Variants in RBFOX3 observed in about 807,000 individuals in gnomAD.
RBFOX3 encodes the protein RNA binding protein fox-1 homolog 3.
Under a neutral mutation model 48.7 loss-of-function variants are expected in RBFOX3, and 17 were observed. The ratio of observed to expected loss-of-function variants is 0.35; its 90% confidence interval spans 0.24 to 0.52. The LOEUF is 0.52. Among genes scored for constraint, RBFOX3 ranks in the 20% least tolerant of loss-of-function variants. The pLI, the probability that RBFOX3 is intolerant of heterozygous loss-of-function variation, is 0.94. For synonymous variants in RBFOX3, 212 were observed against 209.5 expected (o/e 1.01, Z -0.10); for missense variants, 382 against 497.5 (o/e 0.77, Z 2.21).
At chr17:79,603,319 G>A (rs2093751614) in intron 1 of RBFOX3, among the ~76,000 whole-genome samples, 1 of 152,172 alleles carries the variant, frequency 6.6e-6, no homozygotes, top group African/African-American at 2.4e-5. Flanking sequence ...ACACCCCGCT[G>A]GCAGTGGAGG....
rs1461623462 is a variant in RBFOX3, at chr17:79,482,959, C to T, written c.-319-361G>A. Among the ~76,000 whole-genome samples, 2 of 151,802 alleles carry T rather than the reference C, an allele frequency of 1.3e-5. No individual in the cohort carries two copies. The highest frequency in any genetic ancestry group is 2.1e-4 in the South Asian group (1 of 4,762). The stretch of plus-strand genomic sequence containing the variant: ...CCCTCCCCATCGCCTTTCCCACTAC[C>T]GCCCGCTCTTGCTTCCTCCCCCACC... On this transcript the variant is annotated intron_variant, in intron 1 of 14. Coordinates refer to ENST00000693108, the MANE Select transcript of RBFOX3 (RefSeq NM_001350451.2). This position sits in a 1 kb window ranked among gnomAD's most constrained non-coding sequence, Gnocchi z 4.1.
At chr17:79,277,591 C>A (rs898168475) in intron 3 of RBFOX3, among the ~76,000 whole-genome samples, 1 of 152,238 alleles carries the variant, frequency 6.6e-6, no homozygotes, top group Non-Finnish European at 1.5e-5. Flanking sequence ...CTGGCCACTG[C>A]GGGCCTCTGC....
In RBFOX3 at chr17:79,542,857, C is replaced by A. The variant is rs892315320; in HGVS notation, c.-319-60259G>T. Among the ~76,000 whole-genome samples, 3 of 152,120 alleles carry A rather than the reference C, an allele frequency of 2.0e-5. No homozygotes were observed. The South Asian group carries it at 6.2e-4, about 32-fold the overall frequency. On this transcript the variant is annotated intron_variant, in intron 1 of 14. Coordinates refer to ENST00000693108, the MANE Select transcript of RBFOX3 (RefSeq NM_001350451.2). ...CATATTTTATTTAACCTAATATATT[C>A]TAAATATTTTTGGGTCAATATGTAA...
chr17:79,255,901 G>T (rs2064754301), intron 3 of RBFOX3, among the ~76,000 whole-genome samples: 1 of 151,094 alleles, frequency 6.6e-6, no homozygotes, highest in African/African-American at 2.4e-5. Flanking sequence ...TCTTCTGCTT[G>T]GGGCTGGGGA....
chr17:79,182,749 C>T (rs538783803), intron 4 of RBFOX3, among the ~76,000 whole-genome samples: 25 of 152,016 alleles, frequency 1.6e-4, no homozygotes, highest in African/African-American at 4.6e-4. Context: ...GCCTCCCTCG[C>T]CAGGCGGGTG....
intron 4 of RBFOX3, among the ~76,000 whole-genome samples, chr17:79,139,050 C>T (rs559514818): frequency 3.0e-4 from 43 of 143,526 alleles, no homozygotes; most frequent in African/African-American, 1.0e-3. Context: ...GCACACAGCA[C>T]GTGTTCACAC....
At chr17:79,394,109 C>T (rs2061694920) in intron 2 of RBFOX3, among the ~76,000 whole-genome samples, 1 of 152,206 alleles carries the variant, frequency 6.6e-6, no homozygotes, top group Non-Finnish European at 1.5e-5. Context: ...CTATGCACAT[C>T]GTCTGAGCCA....
intron 2 of RBFOX3, among the ~76,000 whole-genome samples, chr17:79,464,216 C>T (rs1241312459): frequency 6.6e-6 from 1 of 152,110 alleles, no homozygotes; most frequent in Non-Finnish European, 1.5e-5. Flanking sequence ...GAAATGTTCG[C>T]TCTCCCTTCA....
At chr17:79,146,105 G>A (rs533414740) in intron 4 of RBFOX3, among the ~76,000 whole-genome samples, 27 of 152,220 alleles carry the variant, frequency 1.8e-4, no homozygotes, top group East Asian at 9.7e-4. Flanking sequence ...AGGTGGTCAC[G>A]GCAGCGATGA....
intron 1 of RBFOX3, among the ~76,000 whole-genome samples, chr17:79,550,195 G>T (rs1161571912): frequency 6.6e-6 from 1 of 152,178 alleles, no homozygotes; most frequent in African/African-American, 2.4e-5. Flanking sequence ...TGAGCCCAGG[G>T]AAACAAGAGG....
chr17:79,429,482 G>T (rs1450488008), intron 2 of RBFOX3, among the ~76,000 whole-genome samples: 9 of 152,170 alleles, frequency 5.9e-5, no homozygotes, highest in Non-Finnish European at 2.9e-5. Context: ...GAGGAGGGAG[G>T]CCATGCCGTG....
At chr17:79,224,417 C>G (rs905486316) in intron 4 of RBFOX3, among the ~76,000 whole-genome samples, 1 of 152,238 alleles carries the variant, frequency 6.6e-6, no homozygotes, top group African/African-American at 2.4e-5. Context: ...ACAGATCAAC[C>G]AGCTCTTTCC....
chr17:79,223,576 A>G (rs955951242), intron 4 of RBFOX3, among the ~76,000 whole-genome samples: 1 of 152,214 alleles, frequency 6.6e-6, no homozygotes, highest in African/African-American at 2.4e-5. Context: ...CCAGGCTGTG[A>G]CATTTGCCAC....
At chr17:79,524,814 C>A (rs1324431421) in intron 1 of RBFOX3, among the ~76,000 whole-genome samples, 1 of 151,972 alleles carries the variant, frequency 6.6e-6, no homozygotes, top group Non-Finnish European at 1.5e-5. Flanking sequence ...GGGTTCAAGC[C>A]GAATGAATAT....
intron 1 of RBFOX3, among the ~76,000 whole-genome samples, chr17:79,500,661 C>T (rs928963952): frequency 4.3e-4 from 66 of 152,236 alleles, no homozygotes; most frequent in African/African-American, 1.4e-3. Flanking sequence ...CTCCTTTTCC[C>T]GTATCAAAAG....
At chr17:79,143,375 G>C (rs1318722601) in intron 4 of RBFOX3, among the ~76,000 whole-genome samples, 2 of 130,188 alleles carry the variant, frequency 1.5e-5, no homozygotes, top group Non-Finnish European at 3.5e-5. Context: ...TGGTGGAGCG[G>C]GGGGTGGGGG....
At chr17:79,557,758 G>A (rs984662749) in intron 1 of RBFOX3, among the ~76,000 whole-genome samples, 3 of 152,204 alleles carry the variant, frequency 2.0e-5, no homozygotes, top group South Asian at 2.1e-4. Context: ...TCAGCGTATC[G>A]GGCAGGCGGG....
chr17:79,181,646 CGGCCACCCTCTGCCACTGCT>C (rs1015386235), intron 4 of RBFOX3, among the ~76,000 whole-genome samples: 42 of 66,616 alleles, frequency 6.3e-4, no homozygotes, highest in Admixed American at 4.2e-3. Context: ...CTGCCACTGC[CGGCCACCCTCTGCCACTGCT>C]GGCCACCCTC....
chr17:79,606,414 T>A (rs891984037), intron 1 of RBFOX3, among the ~76,000 whole-genome samples: 1 of 152,194 alleles, frequency 6.6e-6, no homozygotes, highest in Admixed American at 6.5e-5. Flanking sequence ...GGGACTCCCG[T>A]GGTACCCGGG....
Sources: allele counts gnomAD v4.1 joint callset (sites outside exome capture counted in the v4.1 genomes callset), GRCh38; gene constraint gnomAD v4.1.1; non-coding constraint Gnocchi (gnomAD v3.1); transcripts MANE v1.5; gene names NCBI Gene and HGNC (gene_info 2026-07-23, HGNC 2026-07-21).